The following ASXL2 variants were observed in gnomAD, a reference collection of about 807,000 sequenced individuals.
ASXL2 encodes putative Polycomb group protein ASXL2.
In ASXL2, 23 loss-of-function variants were observed where a neutral mutation model predicts 122.0. The observed-to-expected ratio is 0.19, with a 90% CI of 0.14 to 0.27. ASXL2 has a LOEUF of 0.27. Among genes scored for constraint, ASXL2 ranks in the 10% least tolerant of loss-of-function variants. ASXL2 has a pLI of 1.00. For missense variants in ASXL2, 1,518 were observed against 1,713.8 expected (o/e 0.89, Z 2.02); for synonymous variants, 650 against 637.0 (o/e 1.02, Z -0.31).
At chr2:25,803,604 C>T (rs908925436) in intron 4 of ASXL2, among the ~76,000 whole-genome samples, 8 of 152,164 alleles carry the variant, frequency 5.3e-5, no homozygotes, top group African/African-American at 1.9e-4. Flanking sequence ...CAATTTTTTT[C>T]ACTGAAGGGT....
Position 25,741,981 on chromosome 2 carries a change from C to A in ASXL2, c.*48G>T. The A allele has an allele frequency of 1.3e-6, 2 of 1,542,798 alleles. No individual in the cohort carries two copies. Among genetic ancestry groups the A allele is most frequent in the South Asian group, 2.5e-5 (2 of 81,280 alleles). ...AAAGGACGCAAAAAACCCAACTGGT[C>A]AACCCTTCCCTTCCCCCTCCTTTAC... On this transcript the variant is annotated 3_prime_UTR_variant, in exon 13 of 13. Transcript: ENST00000435504.
intron 5 of ASXL2, among the ~76,000 whole-genome samples, chr2:25,773,020 C>T (rs1425379089): frequency 2.0e-5 from 3 of 151,434 alleles, no homozygotes; most frequent in Non-Finnish European, 4.4e-5. Context: ...ACCAGCCTGA[C>T]CAATATGGTG....
At chr2:25,876,257 C>G (rs1224135491) in intron 1 of ASXL2, among the ~76,000 whole-genome samples, 1 of 152,188 alleles carries the variant, frequency 6.6e-6, no homozygotes, top group Non-Finnish European at 1.5e-5. Flanking sequence ...TTTCACATAG[C>G]TAGCTAGGGC....
In ASXL2 at chr2:25,771,554, A is replaced by G. The variant is rs2088456428; in HGVS notation, c.404-14T>C. On this transcript the variant is annotated splice_polypyrimidine_tract_variant and intron_variant, in intron 5 of 12. Transcript: ENST00000435504. Reference sequence around the variant, plus strand: ...AGGACGACGATACTAGGGAAAAAAAAGTGACAATAAAAGATTTTTGTTAAC... The same window carrying G: ...AGGACGACGATACTAGGGAAAAAAAGGTGACAATAAAAGATTTTTGTTAAC... The G allele has an allele frequency of 6.2e-7, 1 of 1,600,894 alleles. No homozygotes were observed. Among genetic ancestry groups the G allele is most frequent in the Non-Finnish European group, 8.5e-7 (1 of 1,170,496 alleles).
At chr2:25,786,937 C>A (rs1264204795) in intron 5 of ASXL2, among the ~76,000 whole-genome samples, 1 of 151,226 alleles carries the variant, frequency 6.6e-6, no homozygotes, top group Non-Finnish European at 1.5e-5. Context: ...AGTACCATGT[C>A]TGTTCCACTA....
At position 25,744,168 on chromosome 2, in the gene ASXL2, A is replaced by G; in HGVS notation, c.2169T>C (p.Thr723=). The G allele has an allele frequency of 6.2e-7, 1 of 1,613,880 alleles. No individual in the cohort carries two copies. The highest frequency in any genetic ancestry group is 1.3e-5 in the African/African-American group (1 of 75,002). Residue 723 remains threonine, a synonymous_variant, in exon 13 of 13, where the codon ACT becomes ACC. Coordinates refer to ENST00000435504, the MANE Select transcript of ASXL2 (RefSeq NM_018263.6). The surrounding 1 kb of genome is among the most constrained non-coding windows in gnomAD (Gnocchi z 4.7). ...GSPGSDRVSE[T]GKGPTLELAG... is the part of the protein sequence containing the mutation. ...CCAGTTCCAGTGTGGGGCCCTTTCC[A>G]GTTTCACTGACTCTGTCTGAGCCTG...
At chr2:25,783,899 CAAA>C (rs1447691534) in intron 5 of ASXL2, among the ~76,000 whole-genome samples, 2 of 151,838 alleles carry the variant, frequency 1.3e-5, no homozygotes, top group Non-Finnish European at 2.9e-5. Flanking sequence ...ACTACAAATA[CAAA>C]AATTAGTCGG....
At position 25,750,160 on chromosome 2, in the gene ASXL2, A is replaced by G. The variant is rs1419645970; in HGVS notation, c.1396T>C (p.Ser466Pro). 1 of 1,613,912 alleles carries G rather than the reference A, an allele frequency of 6.2e-7. No individual in the cohort carries two copies. Among genetic ancestry groups the G allele is most frequent in the Non-Finnish European group, 8.5e-7 (1 of 1,179,900 alleles). The stretch of plus-strand genomic sequence containing the variant: ...AGCTCATGTGTATTGAGAGCTGAGG[A>G]AAGCAGGGGCTCTGAAGATGTGGAG... ...NFSTSSEPLL[S>P]SALNTHELSS... Residue 466 changes from serine to proline, a missense_variant, in exon 12 of 13, where the codon TCC (serine) becomes CCC (proline). Ser to Pro is a moderately conservative substitution (Grantham distance 74). Transcript: ENST00000435504.
chr2:25,866,924 G>A (rs183200146), intron 1 of ASXL2, among the ~76,000 whole-genome samples: 1 of 150,732 alleles, frequency 6.6e-6, no homozygotes, highest in African/African-American at 2.4e-5. Flanking sequence ...TTTTGAGACA[G>A]TGTTTTGCTC....
chr2:25,842,792 G>A (rs9677590), intron 2 of ASXL2, among the ~76,000 whole-genome samples: 4,670 of 95,152 alleles, frequency 0.049, 107 homozygotes, highest in African/African-American at 0.12. Flanking sequence ...GTGTGTGTGT[G>A]TATATATATA....
Position 25,738,565 on chromosome 2 carries a change from C to T in ASXL2, c.*3464G>A, listed in dbSNP as rs1275234349. ...TGGCACTGCTCACTGATAGTGAGTT[C>T]TAGAAATAAATAGCAGTGTAATGAC... On this transcript the variant is annotated 3_prime_UTR_variant, in exon 13 of 13. Transcript: ENST00000435504. 6.6e-6 allele frequency: 1 copy of T among 152,178 alleles called. No individual in the cohort carries two copies. Among genetic ancestry groups the T allele is most frequent in the Non-Finnish European group, 1.5e-5 (1 of 68,048 alleles). 9.4% of individuals were successfully genotyped at this position (152,178 alleles called of 1,614,324 possible).
intron 1 of ASXL2, among the ~76,000 whole-genome samples, chr2:25,877,117 T>C (rs1337450419): frequency 6.6e-6 from 1 of 152,174 alleles, no homozygotes; most frequent in African/African-American, 2.4e-5. Flanking sequence ...AAATAAACCA[T>C]ATGGCATCTA....
chr2:25,847,117 CAT>C (rs2089658678), intron 1 of ASXL2, among the ~76,000 whole-genome samples: 1 of 152,142 alleles, frequency 6.6e-6, no homozygotes, highest in African/African-American at 2.4e-5. Context: ...TATTTCCAAA[CAT>C]AATACAGCAA....
rs80272205 is a variant in ASXL2, at chr2:25,843,445, T to C, written c.140+2036A>G. On this transcript the variant is annotated intron_variant, in intron 2 of 12. Coordinates refer to ENST00000435504, the MANE Select transcript of ASXL2 (RefSeq NM_018263.6). ...TGAGCCATTGCACCTGGCCTTCAAA[T>C]GCATTTTAATGTTTTAATTTTAAAA... is the stretch of plus-strand genomic sequence containing the variant. Among the ~76,000 whole-genome samples the C allele has an allele frequency of 4.6e-3, 707 of 152,216 alleles. 3 individuals carry two copies. The highest frequency in any genetic ancestry group is 0.016 in the African/African-American group (680 of 41,534).
intron 3 of ASXL2, among the ~76,000 whole-genome samples, chr2:25,821,695 A>G (rs2089313224): frequency 6.6e-6 from 1 of 152,208 alleles, no homozygotes. Flanking sequence ...GTATCCAGAA[A>G]ACAAAGCACT....
At chr2:25,834,981 C>G (rs551771392) in intron 3 of ASXL2, among the ~76,000 whole-genome samples, 1 of 152,064 alleles carries the variant, frequency 6.6e-6, no homozygotes, top group African/African-American at 2.4e-5. Context: ...GGCCACCACA[C>G]CCAGCTAATT....
At chr2:25,778,134 T>C (rs1175283105) in intron 5 of ASXL2, among the ~76,000 whole-genome samples, 1 of 152,172 alleles carries the variant, frequency 6.6e-6, no homozygotes, top group African/African-American at 2.4e-5. Flanking sequence ...CAAAAAGATA[T>C]GTCCACATTG....
At chr2:25,807,235 T>C (rs28459127) in intron 3 of ASXL2, among the ~76,000 whole-genome samples, 3,216 of 152,218 alleles carry the variant, frequency 0.021, 112 homozygotes, top group African/African-American at 0.07. Context: ...CCAGCTCTTT[T>C]CCCTCTCAGT....
chr2:25,855,547 T>C (rs781242677), intron 1 of ASXL2, among the ~76,000 whole-genome samples: 6 of 152,146 alleles, frequency 3.9e-5, no homozygotes, highest in Non-Finnish European at 7.3e-5. Flanking sequence ...TGCATGCCTG[T>C]AATCTCAACT....
Sources: allele counts gnomAD v4.1 joint callset (sites outside exome capture counted in the v4.1 genomes callset), GRCh38; gene constraint gnomAD v4.1.1; non-coding constraint Gnocchi (gnomAD v3.1); transcripts MANE v1.5; gene names NCBI Gene and HGNC (gene_info 2026-07-23, HGNC 2026-07-21).